The following TANC1 variants were observed in gnomAD, a reference collection of about 807,000 sequenced individuals.
TANC1 encodes the protein protein TANC1.
Under a neutral mutation model 149.7 loss-of-function variants are expected in TANC1, and 77 were observed. The observed-to-expected ratio is 0.51, with a 90% confidence interval of 0.43 to 0.62. The LOEUF (loss-of-function observed/expected upper bound fraction) is 0.62, where lower values mean the gene tolerates loss of function less well. TANC1 is among the 20% of genes least tolerant of loss of function. The pLI, the probability that TANC1 is intolerant of heterozygous loss-of-function variation, is 0.00. For synonymous variants in TANC1, 854 were observed against 925.0 expected, an observed-to-expected ratio of 0.92 and a Z score of 1.39; for missense variants, 1,985 against 2,321.8, an observed-to-expected ratio of 0.85 and a Z score of 2.98.
At chr2:159,182,408 G>A (rs1210523580) in intron 14 of TANC1, among the ~76,000 whole-genome samples, 1 of 151,884 alleles carries the variant, frequency 6.6e-6, no homozygotes, top group Non-Finnish European at 1.5e-5. Flanking sequence ...AAATATTAAT[G>A]CAAATTCTTA....
chr2:159,063,251 A>T (rs1405183981), intron 2 of TANC1, among the ~76,000 whole-genome samples: 1 of 152,152 alleles, frequency 6.6e-6, no homozygotes, highest in African/African-American at 2.4e-5. Flanking sequence ...CCATTTCCAG[A>T]ATTGGATATA....
intron 4 of TANC1, among the ~76,000 whole-genome samples, chr2:159,133,646 G>GATATAT (rs61541646): frequency 6.6e-6 from 1 of 151,630 alleles, no homozygotes; most frequent in African/African-American, 2.4e-5. Flanking sequence ...TTTATGTGTG[G>GATATAT]ATATATATAT....
At chr2:159,155,051 A>T (rs567632347) in intron 7 of TANC1, among the ~76,000 whole-genome samples, 2 of 152,372 alleles carry the variant, frequency 1.3e-5, no homozygotes, top group South Asian at 4.1e-4. Context: ...AATATAAAGT[A>T]TGTTTTCATT....
chr2:159,188,434 C>G (rs1427434690), intron 16 of TANC1, among the ~76,000 whole-genome samples: 1 of 152,226 alleles, frequency 6.6e-6, no homozygotes, highest in African/African-American at 2.4e-5. Flanking sequence ...CAGGATGGGG[C>G]CAGCCTGGGC....
In TANC1 at chr2:159,038,397, G is replaced by A. The variant is rs1187014292; in HGVS notation, c.-15-27499G>A. Among the ~76,000 whole-genome samples the A allele has an allele frequency of 7.9e-5, 12 of 152,150 alleles. No homozygotes were observed. In the East Asian group the frequency reaches 2.3e-3, roughly 29 times the overall value. On this transcript the variant is annotated intron_variant, in intron 2 of 26. Coordinates refer to ENST00000263635, the MANE Select transcript of TANC1 (RefSeq NM_033394.3). ...CAGAACTTCCAACACTCTTGAATAGGAGTGGTGAGAGAGGGCATCCCTGTC... is the reference window on the plus strand; with the variant it reads ...CAGAACTTCCAACACTCTTGAATAGAAGTGGTGAGAGAGGGCATCCCTGTC...
intron 24 of TANC1, 144 bp downstream of exon 24, chr2:159,225,923 T>G: frequency 1.4e-6 from 1 of 713,668 alleles, no homozygotes; most frequent in Non-Finnish European, 2.5e-6. Context: ...GGCTCACGCC[T>G]GTAACTCCAG....
chr2:159,144,140 C>A (rs776448302), intron 5 of TANC1, among the ~76,000 whole-genome samples: 55 of 151,806 alleles, frequency 3.6e-4, no homozygotes, highest in Middle Eastern at 3.4e-3. Flanking sequence ...CTCTGATAGT[C>A]CTCTAGACTT....
In TANC1 at chr2:159,088,781, AGATTAGACACCCCC is replaced by A. The variant is rs554138852; in HGVS notation, c.62-8854_62-8841del. 4.3e-3 allele frequency among the ~76,000 whole-genome samples: 662 copies of A among 152,314 alleles called. 4 individuals carry two copies. Among genetic ancestry groups the A allele is most frequent in the Admixed American group, 6.7e-3 (103 of 15,306 alleles). On this transcript the variant is annotated intron_variant, in intron 3 of 26. Coordinates refer to ENST00000263635, the MANE Select transcript of TANC1 (RefSeq NM_033394.3). ...TCCAATGTGGCCCAAGGAAGCCAAA[AGATTAGACACCCCC>A]GGTATGGATTGTCATCAGGAAAGAA...
At chr2:159,213,478 A>C (rs1559470301) in intron 19 of TANC1, among the ~76,000 whole-genome samples, 1 of 151,272 alleles carries the variant, frequency 6.6e-6, no homozygotes, top group Non-Finnish European at 1.5e-5. Flanking sequence ...CATTCTGCTA[A>C]TGGTATTTAT....
rs1206527070 is a variant in TANC1, at chr2:158,971,349, CAGTT to C, written c.-126+2568_-126+2571del. Among the ~76,000 whole-genome samples, 3 of 152,076 alleles carry C rather than the reference CAGTT, an allele frequency of 2.0e-5. No individual in the cohort carries two copies. In the East Asian group the frequency reaches 5.8e-4, roughly 29 times the overall value. On this transcript the variant is annotated intron_variant, in intron 1 of 26. Coordinates refer to ENST00000263635, the MANE Select transcript of TANC1 (RefSeq NM_033394.3). ...TAACCTAATTGTAAAGATTTTGTCT[CAGTT>C]GGGTTGAGAGTAGGGTTGAGAGTCT...
chr2:159,129,419 T>C (rs2049840508), intron 4 of TANC1, among the ~76,000 whole-genome samples: 1 of 152,170 alleles, frequency 6.6e-6, no homozygotes, highest in Non-Finnish European at 1.5e-5. Flanking sequence ...GAGATTTATG[T>C]AAAGGCAGAA....
rs2060079653 is a variant in TANC1 at position 159,227,335 on chromosome 2, A to T, written c.3904-484A>T. 3 of 155,206 alleles carry T rather than the reference A, an allele frequency of 1.9e-5. No individual in the cohort carries two copies. The Admixed American group carries it at 1.9e-4, about 10-fold the overall frequency. 9.6% of individuals were successfully genotyped at this position (155,206 alleles called of 1,614,324 possible). ...TGTGTGGTGCTGTTCTGATTTTTAA[A>T]GCCCATGTTTTAATTCCTCTTAGAA... is the stretch of plus-strand genomic sequence containing the variant. On this transcript the variant is annotated intron_variant, in intron 24 of 26. Coordinates refer to ENST00000263635, the MANE Select transcript of TANC1 (RefSeq NM_033394.3).
intron 2 of TANC1, among the ~76,000 whole-genome samples, chr2:159,034,295 C>T (rs2040009606): frequency 6.6e-6 from 1 of 152,210 alleles, no homozygotes; most frequent in Non-Finnish European, 1.5e-5. Flanking sequence ...CTTTCTTCAG[C>T]TCTCTTCCCT....
chr2:159,112,424 T>G (rs1456149977), intron 4 of TANC1, among the ~76,000 whole-genome samples: 1 of 152,060 alleles, frequency 6.6e-6, no homozygotes, highest in African/African-American at 2.4e-5. Context: ...TGCAGCTAAT[T>G]TTCGTATTTT....
At chr2:159,170,457 A>G (rs62171123) in intron 9 of TANC1, 67 bp from the exon 10 acceptor site, 55,556 of 1,405,644 alleles carry the variant, frequency 0.04, 1,333 homozygotes, top group Non-Finnish European at 0.046. Flanking sequence ...CACAAGCAAT[A>G]ATATTTGAGT....
chr2:158,969,829 A>G (rs1219229050), intron 1 of TANC1, among the ~76,000 whole-genome samples: 2 of 152,196 alleles, frequency 1.3e-5, no homozygotes, highest in African/African-American at 4.8e-5. Flanking sequence ...GCCTTCTCCC[A>G]GCCCCCTCCT....
intron 1 of TANC1, among the ~76,000 whole-genome samples, chr2:158,975,752 CT>C (rs899419507): frequency 2.4e-4 from 36 of 151,890 alleles, no homozygotes; most frequent in Admixed American, 3.9e-4. Context: ...CTTATTTTAG[CT>C]GCTGATTAGC....
Position 159,229,921 on chromosome 2 carries a change from G to A in TANC1, c.4495G>A (p.Gly1499Arg). Residue 1499 changes from glycine to arginine, a missense_variant, in exon 27 of 27, where the codon GGA becomes AGA. Physicochemically the swap from Gly to Arg is moderately radical, Grantham distance 125. This residue lies in a region of TANC1 where 920 missense variants were observed against 994.7 expected (regional missense o/e 0.92). Coordinates refer to ENST00000263635, the MANE Select transcript of TANC1 (RefSeq NM_033394.3). ...RNLQEGLQSKGRPVSPQSRAG... is the reference protein window; with the variant it reads ...RNLQEGLQSKRRPVSPQSRAG... ...CCTTCAAGAAGGGTTACAGTCCAAAGGAAGGCCGGTATCGCCACAGAGCAG... is the reference window on the plus strand; with the variant it reads ...CCTTCAAGAAGGGTTACAGTCCAAAAGAAGGCCGGTATCGCCACAGAGCAG... 3 of 1,614,086 alleles carry A rather than the reference G, an allele frequency of 1.9e-6. No homozygotes were observed. Among genetic ancestry groups the A allele is most frequent in the Non-Finnish European group, 2.5e-6 (3 of 1,180,046 alleles).
intron 19 of TANC1, among the ~76,000 whole-genome samples, chr2:159,210,876 A>AT (rs536087371): frequency 0.038 from 4,334 of 114,580 alleles, 69 homozygotes; most frequent in Middle Eastern, 0.15. Context: ...TGATCTTTTA[A>AT]TTTTTTTTTT....
Sources: gnomAD v4.1 joint callset for allele counts (sites outside exome capture counted in the v4.1 genomes callset) on GRCh38, gnomAD v4.1.1 for gene constraint, gnomAD v4.1.1 regional missense constraint, MANE v1.5 for transcripts, NCBI Gene and HGNC (gene_info 2026-07-23, HGNC 2026-07-21) for gene names.